Variants in DNAI7 observed in about 807,000 individuals in gnomAD.
DNAI7 encodes cancer susceptibility 1.
A neutral mutation model predicts 86.6 loss-of-function variants in DNAI7; 78 were observed. The observed-to-expected ratio is 0.90, with a 90% CI of 0.75 to 1.09. The LOEUF (loss-of-function observed/expected upper bound fraction) is 1.09. Among genes scored for constraint, DNAI7 ranks in the 50% least tolerant of loss-of-function variants. The pLI, the probability that DNAI7 is intolerant of heterozygous loss-of-function variation, is 0.00. For missense variants in DNAI7, 753 were observed against 810.2 expected (o/e 0.93, Z 0.86); for synonymous variants, 274 against 273.0 (o/e 1.00, Z -0.04).
rs138857644 is a variant in DNAI7 at position 25,114,970 on chromosome 12, C to T, written c.1397-100G>A. ...AAAATTGCTTTGTGTATAAATTGAT[C>T]TTTCATATTTAGAATAGAAACTCAA... On this transcript the variant is annotated intron_variant, in intron 12 of 15. Transcript: ENST00000395987. The T allele has an allele frequency of 4.4e-4, 373 of 853,338 alleles. 2 individuals carry two copies. The highest frequency in any genetic ancestry group is 5.8e-4 in the Non-Finnish European group (321 of 551,002). The allele number at this position is 853,338 out of a possible 1,614,324, so 52.9% of individuals were successfully genotyped here.
At chr12:25,150,282 TA>T (rs1475344183) in intron 6 of DNAI7, among the ~76,000 whole-genome samples, 1 of 152,164 alleles carries the variant, frequency 6.6e-6, no homozygotes, top group African/African-American at 2.4e-5. Flanking sequence ...GCAAACACCT[TA>T]ACCATGTGAT....
chr12:25,194,926 G>C (rs972114617), intron 1 of DNAI7, 150 bp downstream of exon 1: 8 of 1,614,078 alleles, frequency 5.0e-6, no homozygotes, highest in Non-Finnish European at 6.8e-6. Flanking sequence ...TTGCTGAGAA[G>C]AGGGCCGACC....
chr12:25,109,193 T>C (rs73081704), intron 15 of DNAI7, among the ~76,000 whole-genome samples: 17,631 of 152,034 alleles, frequency 0.12, 1,380 homozygotes, highest in Admixed American at 0.16. Flanking sequence ...TATATTTGAG[T>C]GGGGGAAACA....
chr12:25,176,683 T>G (rs956204553), intron 2 of DNAI7, among the ~76,000 whole-genome samples: 1 of 152,016 alleles, frequency 6.6e-6, no homozygotes, highest in African/African-American at 2.4e-5. Context: ...TGCCAAAAAT[T>G]ATATGCTGAT....
chr12:25,112,011 CT>C, intron 13 of DNAI7, 72 bp from the exon 14 acceptor site: 1 of 880,114 alleles, frequency 1.1e-6, no homozygotes. Flanking sequence ...CAGGTGCAGC[CT>C]TTAGATGCTT....
At chr12:25,119,948 A>C (rs1940928482) in intron 11 of DNAI7, among the ~76,000 whole-genome samples, 1 of 152,158 alleles carries the variant, frequency 6.6e-6, no homozygotes, top group African/African-American at 2.4e-5. Flanking sequence ...AAAAGCCTTG[A>C]AAATGAGGAA....
At chr12:25,157,258 A>C (rs959992964) in intron 4 of DNAI7, among the ~76,000 whole-genome samples, 1 of 141,822 alleles carries the variant, frequency 7.1e-6, no homozygotes. Context: ...AGCCTGGGCG[A>C]CAGAGAGAGA....
intron 9 of DNAI7, among the ~76,000 whole-genome samples, chr12:25,125,149 T>G (rs1160054144): frequency 6.6e-6 from 1 of 152,230 alleles, no homozygotes; most frequent in Non-Finnish European, 1.5e-5. Context: ...ATGGGATTGC[T>G]GGGTGAAATG....
At chr12:25,153,577 A>G (rs1366764356) in intron 6 of DNAI7, among the ~76,000 whole-genome samples, 1 of 152,204 alleles carries the variant, frequency 6.6e-6, no homozygotes, top group East Asian at 1.9e-4. Context: ...TCCCAGCCAT[A>G]CAGGAGTCTC....
In DNAI7 at chr12:25,144,459, T is replaced by C; in HGVS notation, c.908A>G (p.Glu303Gly). ...TCTTTCTTGTTGTTTGGACTCTTCTTCGACCTCCTTGCTGATTGCTTTTTC... is the reference window on the plus strand; with the variant it reads ...TCTTTCTTGTTGTTTGGACTCTTCTCCGACCTCCTTGCTGATTGCTTTTTC... ...NVEKAISKEV[E>G]EESKQQERGS... is the part of the protein sequence containing the mutation. Residue 303 changes from glutamate (E) to glycine (G), a missense_variant, in exon 9 of 16, where the codon GAA (glutamate) becomes GGA (glycine). Transcript: ENST00000395987. 1 of 1,614,184 alleles carries C rather than the reference T, an allele frequency of 6.2e-7. No individual in the cohort carries two copies. The highest frequency in any genetic ancestry group is 2.2e-5 in the East Asian group (1 of 44,880).
intron 2 of DNAI7, among the ~76,000 whole-genome samples, chr12:25,181,440 C>A (rs1023708102): frequency 1.3e-5 from 2 of 151,980 alleles, no homozygotes; most frequent in Non-Finnish European, 2.9e-5. Flanking sequence ...CTATAAAAAC[C>A]CTAAAAGAAA....
intron 2 of DNAI7, among the ~76,000 whole-genome samples, chr12:25,175,521 T>C (rs1361901792): frequency 6.6e-6 from 1 of 152,004 alleles, no homozygotes; most frequent in Non-Finnish European, 1.5e-5. Context: ...TAATTTTTTG[T>C]ATTTTTAGTA....
At position 25,147,117 on chromosome 12, in the gene DNAI7, A is replaced by G. The variant is rs775173134; in HGVS notation, c.586-13T>C. ...AAGTACTAGCTTGCTGTAAGAGAAAAAGAAAACATTATAAAGGGCCACAGG... is the reference window on the plus strand; with the variant it reads ...AAGTACTAGCTTGCTGTAAGAGAAAGAGAAAACATTATAAAGGGCCACAGG... On this transcript the variant is annotated splice_polypyrimidine_tract_variant and intron_variant, in intron 7 of 15. Coordinates refer to ENST00000395987, the MANE Select transcript of DNAI7 (RefSeq NM_018272.5). 9.3e-6 allele frequency: 13 copies of G among 1,392,984 alleles called. No homozygotes were observed. In the South Asian group the frequency reaches 1.4e-4, roughly 15 times the overall value. 86.3% of individuals were successfully genotyped at this position (1,392,984 alleles called of 1,614,324 possible).
chr12:25,156,932 T>C (rs1281748498), intron 4 of DNAI7, among the ~76,000 whole-genome samples: 1 of 152,092 alleles, frequency 6.6e-6, no homozygotes, highest in East Asian at 1.9e-4. Flanking sequence ...GTAAGATAGA[T>C]CAATGTTTTA....
chr12:25,120,317 G>GGGGAGAGA (rs1555156524), intron 11 of DNAI7, among the ~76,000 whole-genome samples: 21 of 80,812 alleles, frequency 2.6e-4, no homozygotes, highest in African/African-American at 5.3e-4. Context: ...GCAGGAAGAG[G>GGGGAGAGA]GAGAGAGAGA....
chr12:25,158,694 T>C, intron 3 of DNAI7, 131 bp from the exon 4 acceptor site: 2 of 1,494,540 alleles, frequency 1.3e-6, no homozygotes, highest in Non-Finnish European at 1.8e-6. Flanking sequence ...TATTACATGG[T>C]AGATATGAGA....
At chr12:25,166,727 C>T (rs1160040735) in intron 2 of DNAI7, among the ~76,000 whole-genome samples, 1 of 152,162 alleles carries the variant, frequency 6.6e-6, no homozygotes, top group Non-Finnish European at 1.5e-5. Context: ...CGGGACCACA[C>T]CCTGTAGCCT....
At chr12:25,167,500 T>C (rs1947621164) in intron 2 of DNAI7, among the ~76,000 whole-genome samples, 1 of 152,076 alleles carries the variant, frequency 6.6e-6, no homozygotes, top group Non-Finnish European at 1.5e-5. Flanking sequence ...CCTCTACCTC[T>C]CCCCAGCTAT....
chr12:25,150,407 A>G (rs899033067), intron 6 of DNAI7, among the ~76,000 whole-genome samples: 2 of 152,048 alleles, frequency 1.3e-5, no homozygotes, highest in African/African-American at 2.4e-5. Flanking sequence ...GATCAAGACT[A>G]TCCTGGCTAA....
Sources: gnomAD v4.1 joint callset for allele counts (sites outside exome capture counted in the v4.1 genomes callset) on GRCh38, gnomAD v4.1.1 for gene constraint, MANE v1.5 for transcripts, NCBI Gene and HGNC (gene_info 2026-07-23, HGNC 2026-07-21) for gene names.